The following PFDN1 variants were observed in gnomAD, a reference collection of about 807,000 sequenced individuals.
PFDN1 encodes prefoldin 1.
In PFDN1, 6 loss-of-function variants were observed where a neutral mutation model predicts 17.3. That is an observed-to-expected ratio of 0.35 (90% confidence interval 0.19 to 0.69). PFDN1 has a LOEUF of 0.69. Among genes scored for constraint, PFDN1 ranks in the 30% least tolerant of loss-of-function variants. PFDN1 has a pLI of 0.65. For missense variants in PFDN1, 113 were observed against 146.2 expected, an observed-to-expected ratio of 0.77 and a Z score of 1.17; for synonymous variants, 58 against 50.1, an observed-to-expected ratio of 1.16 and a Z score of -0.67.
chr5:140,287,252 A>T (rs1331971459), intron 2 of PFDN1, among the ~76,000 whole-genome samples: 4 of 152,230 alleles, frequency 2.6e-5, no homozygotes, highest in South Asian at 4.1e-4. Flanking sequence ...AGTTACAGAT[A>T]CGCAAGAAAG....
At chr5:140,252,620 A>G (rs1764929852) in intron 3 of PFDN1, among the ~76,000 whole-genome samples, 3 of 152,246 alleles carry the variant, frequency 2.0e-5, no homozygotes, top group Non-Finnish European at 2.9e-5. Context: ...GCTCACTGGC[A>G]GATCTGTAAA....
At chr5:140,253,462 G>A (rs144419936) in intron 3 of PFDN1, among the ~76,000 whole-genome samples, 551 of 152,236 alleles carry the variant, frequency 3.6e-3, no homozygotes, top group Middle Eastern at 6.8e-3. Flanking sequence ...TTAGCTGCTC[G>A]GTCCCCCTGA....
chr5:140,249,753 A>G (rs1045048297), intron 3 of PFDN1, among the ~76,000 whole-genome samples: 3 of 152,134 alleles, frequency 2.0e-5, no homozygotes, highest in Admixed American at 6.5e-5. Context: ...CAGAGAGGAA[A>G]TGAGAGAGGA....
chr5:140,292,094 C>T (rs987189064), intron 2 of PFDN1, among the ~76,000 whole-genome samples: 2 of 152,112 alleles, frequency 1.3e-5, no homozygotes, highest in East Asian at 1.9e-4. Context: ...ATGTTTATTT[C>T]GGGTTACTAT....
At chr5:140,271,231 A>G (rs1440275175) in intron 3 of PFDN1, among the ~76,000 whole-genome samples, 3 of 152,234 alleles carry the variant, frequency 2.0e-5, no homozygotes. Context: ...CTATATATAT[A>G]GTTCATGATA....
intron 3 of PFDN1, among the ~76,000 whole-genome samples, chr5:140,275,424 A>G (rs1765275545): frequency 6.6e-6 from 1 of 150,698 alleles, no homozygotes; most frequent in Admixed American, 6.6e-5. Context: ...AAAAAAAAAA[A>G]GACAGTGCTT....
chr5:140,266,369 T>G (rs1183187300), intron 3 of PFDN1, among the ~76,000 whole-genome samples: 1 of 152,170 alleles, frequency 6.6e-6, no homozygotes, highest in Non-Finnish European at 1.5e-5. Flanking sequence ...ACTTGAGAAA[T>G]ATCTAAAAGC....
intron 2 of PFDN1, among the ~76,000 whole-genome samples, chr5:140,299,425 C>T (rs1283608858): frequency 6.6e-6 from 1 of 151,828 alleles, no homozygotes; most frequent in African/African-American, 2.4e-5. Flanking sequence ...CACGGTAAAA[C>T]CCCATTTCTA....
In PFDN1 at chr5:140,248,072, CT is replaced by C. The variant is rs113993165; in HGVS notation, c.286-2016del. Among the ~76,000 whole-genome samples, 462 of 142,894 alleles carry C rather than the reference CT, an allele frequency of 3.2e-3. No homozygotes were observed. In the Middle Eastern group the frequency reaches 0.033, roughly 10 times the overall value. 93.7% of individuals were successfully genotyped at this position (142,894 alleles called of 152,430 possible). A position where few individuals can be genotyped will look rare whatever the true frequency, so the allele number is the denominator to read the frequency against. On this transcript the variant is annotated intron_variant, in intron 3 of 3. Coordinates refer to ENST00000261813, the MANE Select transcript of PFDN1 (RefSeq NM_002622.5). The stretch of plus-strand genomic sequence containing the variant: ...TTTAAACTTCCTTTGATAAACAACT[CT>C]TTTTTTTTTTTTTGAGACGGAATCT...
At chr5:140,275,093 T>C (rs897092001) in intron 3 of PFDN1, among the ~76,000 whole-genome samples, 1 of 151,212 alleles carries the variant, frequency 6.6e-6, no homozygotes, top group Non-Finnish European at 1.5e-5. Context: ...AAAAAGACAG[T>C]AAGACTATCT....
chr5:140,297,861 G>GT (rs370288627), intron 2 of PFDN1, among the ~76,000 whole-genome samples: 4 of 152,198 alleles, frequency 2.6e-5, no homozygotes, highest in South Asian at 2.1e-4. Context: ...GGAGTAAAAC[G>GT]TTTTTTCTAT....
chr5:140,289,648 T>G (rs915101793), intron 2 of PFDN1, among the ~76,000 whole-genome samples: 1 of 152,178 alleles, frequency 6.6e-6, no homozygotes, highest in Non-Finnish European at 1.5e-5. Context: ...ACCCTCAAAA[T>G]AATATCAACC....
chr5:140,300,324 TG>T, intron 2 of PFDN1, 91 bp downstream of exon 2: 1 of 981,988 alleles, frequency 1.0e-6, no homozygotes, highest in Non-Finnish European at 1.6e-6. Flanking sequence ...CCACCACTCC[TG>T]GCCTAACCCA....
At chr5:140,291,382 G>A (rs890354947) in intron 2 of PFDN1, among the ~76,000 whole-genome samples, 1 of 152,122 alleles carries the variant, frequency 6.6e-6, no homozygotes, top group Admixed American at 6.6e-5. Context: ...GGGGCCAAGG[G>A]TGACTCCAAG....
intron 3 of PFDN1, among the ~76,000 whole-genome samples, chr5:140,262,999 G>A (rs1318972699): frequency 1.3e-5 from 2 of 152,136 alleles, no homozygotes; most frequent in Admixed American, 1.3e-4. Flanking sequence ...ATAAAATCCC[G>A]CATTAAGTAT....
intron 2 of PFDN1, 81 bp from the exon 3 acceptor site, chr5:140,281,614 TA>T (rs1264950112): frequency 4.1e-6 from 3 of 735,086 alleles, no homozygotes; most frequent in Non-Finnish European, 7.3e-6. Context: ...CTACAAATAT[TA>T]AACTGAGCAA....
At chr5:140,275,100 A>T (rs1214482829) in intron 3 of PFDN1, among the ~76,000 whole-genome samples, 2 of 152,078 alleles carry the variant, frequency 1.3e-5, no homozygotes. Context: ...CAGTAAGACT[A>T]TCTTCCCACC....
At chr5:140,294,407 G>A (rs1440238273) in intron 2 of PFDN1, among the ~76,000 whole-genome samples, 2 of 151,930 alleles carry the variant, frequency 1.3e-5, no homozygotes, top group Non-Finnish European at 1.5e-5. Context: ...GAAATTGACT[G>A]GAAGACCAAC....
chr5:140,282,252 G>GA (rs1344101487), intron 2 of PFDN1, among the ~76,000 whole-genome samples: 2 of 142,198 alleles, frequency 1.4e-5, no homozygotes, highest in East Asian at 2.1e-4. Flanking sequence ...ATATGTAAAA[G>GA]AAAAAATAAT....
Sources: allele counts gnomAD v4.1 joint callset (sites outside exome capture counted in the v4.1 genomes callset), GRCh38; gene constraint gnomAD v4.1.1; transcripts MANE v1.5; gene names NCBI Gene and HGNC (gene_info 2026-07-23, HGNC 2026-07-21).